KALRN: variants seen among roughly 807,000 people sequenced by gnomAD.
KALRN encodes the protein kalirin.
A neutral mutation model predicts 353.7 loss-of-function variants in KALRN; 70 were observed. That is an observed-to-expected ratio of 0.20 (90% CI 0.16 to 0.24). KALRN has a LOEUF of 0.24. KALRN is among the 10% of genes least tolerant of loss of function. KALRN has a pLI of 1.00. For synonymous variants in KALRN, 1,391 were observed against 1,434.8 expected (o/e 0.97, Z 0.69); for missense variants, 2,791 against 3,756.7 (o/e 0.74, Z 6.72).
chr3:124,228,208 G>A, intron 2 of KALRN, 144 bp downstream of exon 2: 1 of 743,770 alleles, frequency 1.3e-6, no homozygotes, highest in Admixed American at 2.0e-5. Flanking sequence ...TTCTCCTGAG[G>A]CAGATGGGGA....
At chr3:124,622,373 A>G (rs1248107966) in intron 34 of KALRN, among the ~76,000 whole-genome samples, 1 of 152,218 alleles carries the variant, frequency 6.6e-6, no homozygotes, top group Non-Finnish European at 1.5e-5. Flanking sequence ...ATATGGAGCA[A>G]CTGGACCCCA....
chr3:124,583,137 A>T (rs1479480431), intron 34 of KALRN, among the ~76,000 whole-genome samples: 1 of 152,166 alleles, frequency 6.6e-6, no homozygotes, highest in Non-Finnish European at 1.5e-5. Flanking sequence ...TGGGAAAGGA[A>T]GCCCCAAATC....
chr3:124,437,766 C>T (rs1480094767), intron 17 of KALRN, among the ~76,000 whole-genome samples: 2 of 147,730 alleles, frequency 1.4e-5, no homozygotes, highest in Admixed American at 1.4e-4. Flanking sequence ...ATAGTCATAG[C>T]AGTTCTTCCC....
intron 49 of KALRN, 57 bp from the exon 50 acceptor site, chr3:124,678,133 C>T: frequency 1.9e-6 from 3 of 1,597,672 alleles, no homozygotes; most frequent in Non-Finnish European, 2.6e-6. Flanking sequence ...TGAGCCCGCC[C>T]TCCACATCGC....
chr3:124,664,385 A>G (rs1302202924), intron 45 of KALRN, among the ~76,000 whole-genome samples: 1 of 132,340 alleles, frequency 7.6e-6, no homozygotes. Flanking sequence ...GCGCGCGCAT[A>G]TAAGGGCACC....
chr3:124,154,139 C>T (rs2149937625), intron 1 of KALRN, among the ~76,000 whole-genome samples: 1 of 152,290 alleles, frequency 6.6e-6, no homozygotes, highest in South Asian at 2.1e-4. Flanking sequence ...TCCCATTTGT[C>T]AATTTTGGCT....
intron 1 of KALRN, among the ~76,000 whole-genome samples, chr3:124,052,951 G>T (rs958773102): frequency 1.3e-5 from 2 of 152,142 alleles, no homozygotes; most frequent in Non-Finnish European, 2.9e-5. Context: ...ACATCATGGA[G>T]AATTAGAGGA....
intron 29 of KALRN, 135 bp from the exon 30 acceptor site, chr3:124,490,559 T>G (rs2063044071): frequency 1.4e-6 from 1 of 692,066 alleles, no homozygotes; most frequent in Non-Finnish European, 2.4e-6. Context: ...TCTCTGGAGT[T>G]AGCAGAGAGA....
chr3:124,061,053 C>T (rs2041958230), intron 1 of KALRN, among the ~76,000 whole-genome samples: 1 of 152,222 alleles, frequency 6.6e-6, no homozygotes, highest in Non-Finnish European at 1.5e-5. Flanking sequence ...AAATTGGAGA[C>T]AGTGACGATA....
chr3:124,304,094 T>A (rs761212759), intron 6 of KALRN, among the ~76,000 whole-genome samples: 6 of 149,756 alleles, frequency 4.0e-5, no homozygotes, highest in Non-Finnish European at 7.4e-5. Context: ...GGCAGCATTT[T>A]TTAGAATGTC....
chr3:124,539,922 T>TTTG (rs760016132), intron 33 of KALRN, among the ~76,000 whole-genome samples: 3 of 131,912 alleles, frequency 2.3e-5, no homozygotes, highest in Non-Finnish European at 4.8e-5. Context: ...TAATTTTTTT[T>TTTG]GGGGGGGGGG....
chr3:124,176,069 T>C lies in KALRN; in HGVS notation c.74-51921T>C, dbSNP rs140303071. 7.7e-3 allele frequency among the ~76,000 whole-genome samples: 1,172 copies of C among 152,224 alleles called. 53 individuals carry two copies. The highest frequency in any genetic ancestry group is 0.071 in the Admixed American group (1,089 of 15,294). ...GTCTGCATCTCTTCCTTTCCACCCA[T>C]CCCTGCCTTTTTACCTTTTGTGTAG... On this transcript the variant is annotated intron_variant, in intron 1 of 59. Coordinates refer to ENST00000682506, the MANE Select transcript of KALRN (RefSeq NM_001388419.1).
chr3:124,441,009 G>A (rs909821271), intron 18 of KALRN, among the ~76,000 whole-genome samples: 16 of 152,126 alleles, frequency 1.1e-4, no homozygotes, highest in African/African-American at 2.2e-4. Context: ...AATATGAGTC[G>A]TAAAGGGGGT....
chr3:124,294,506 A>G (rs963624028), intron 5 of KALRN, among the ~76,000 whole-genome samples: 1 of 142,920 alleles, frequency 7.0e-6, no homozygotes, highest in Non-Finnish European at 1.5e-5. Flanking sequence ...GGCTGAGACT[A>G]AGAAGATTCT....
intron 33 of KALRN, among the ~76,000 whole-genome samples, chr3:124,531,989 C>T (rs2068084202): frequency 6.6e-6 from 1 of 152,174 alleles, no homozygotes; most frequent in African/African-American, 2.4e-5. Context: ...ACTTAGAGAA[C>T]CAATTCTTAG....
intron 34 of KALRN, among the ~76,000 whole-genome samples, chr3:124,576,465 G>A (rs35069292): frequency 6.6e-6 from 1 of 152,140 alleles, no homozygotes; most frequent in South Asian, 2.1e-4. Flanking sequence ...TTAAGCTTTA[G>A]CAGGAGGACT....
intron 1 of KALRN, among the ~76,000 whole-genome samples, chr3:124,155,132 C>T (rs2068785218): frequency 6.6e-6 from 1 of 152,102 alleles, no homozygotes; most frequent in Non-Finnish European, 1.5e-5. Context: ...AGACTTAAAC[C>T]TTGGACCTAA....
chr3:124,719,354 C>T lies in KALRN; in HGVS notation c.8845C>T (p.Pro2949Ser). The change falls in exon 60 of 60, where the codon CCC becomes TCC. Residue 2949 changes from proline (P) to serine (S), a missense_variant. Around this residue, in one of 11 missense-constraint regions of KALRN, gnomAD observed 188 missense variants for 402.9 expected, o/e 0.47. Coordinates refer to ENST00000682506, the MANE Select transcript of KALRN (RefSeq NM_001388419.1). The surrounding 1 kb of genome is among the most constrained non-coding windows in gnomAD (Gnocchi z 5.3). ...CCATAATGGCAGCTACTCTAAGATC[C>T]CCCTGGACACCTCCCGCCTAGCATG... ...QPHNGSYSKI[P>S]LDTSRLACFI... 1 of 1,614,184 alleles carries T rather than the reference C, an allele frequency of 6.2e-7. No homozygotes were observed. Among genetic ancestry groups the T allele is most frequent in the Non-Finnish European group, 8.5e-7 (1 of 1,180,026 alleles).
At chr3:124,574,461 C>G (rs2073877095) in intron 34 of KALRN, among the ~76,000 whole-genome samples, 1 of 152,156 alleles carries the variant, frequency 6.6e-6, no homozygotes, top group Non-Finnish European at 1.5e-5. Flanking sequence ...GATGATGATG[C>G]CCCTTATCAT....
Sources: allele counts gnomAD v4.1 joint callset (sites outside exome capture counted in the v4.1 genomes callset), GRCh38; gene constraint gnomAD v4.1.1; regional missense constraint gnomAD v4.1.1; non-coding constraint Gnocchi (gnomAD v3.1); transcripts MANE v1.5; gene names NCBI Gene and HGNC (gene_info 2026-07-23, HGNC 2026-07-21).